Variants in LRP1B observed in about 807,000 individuals in gnomAD.
LRP1B encodes low-density lipoprotein receptor-related protein 1B.
Under a neutral mutation model 556.6 loss-of-function variants are expected in LRP1B, and 217 were observed. The ratio of observed to expected loss-of-function variants is 0.39; its 90% CI spans 0.35 to 0.44. LRP1B has a LOEUF of 0.44. Among genes scored for constraint, LRP1B ranks in the 20% least tolerant of loss-of-function variants. LRP1B has a pLI of 1.00. For synonymous variants in LRP1B, 2,047 were observed against 1,865.8 expected, an observed-to-expected ratio of 1.10 and a Z score of -2.50; for missense variants, 5,053 against 5,620.8, an observed-to-expected ratio of 0.90 and a Z score of 3.23.
At chr2:142,008,604 A>AT (rs1346537408) in intron 1 of LRP1B, among the ~76,000 whole-genome samples, 4 of 151,568 alleles carry the variant, frequency 2.6e-5, no homozygotes, top group Admixed American at 2.6e-4. Flanking sequence ...ACAAACTCCA[A>AT]TTATGAAAAG....
chr2:141,923,843 C>A (rs1416608486), intron 1 of LRP1B, among the ~76,000 whole-genome samples: 1 of 151,890 alleles, frequency 6.6e-6, no homozygotes. Context: ...GGCAGCATAA[C>A]CAACTTAGGA....
At chr2:141,721,775 A>C (rs1392421326) in intron 2 of LRP1B, among the ~76,000 whole-genome samples, 1 of 152,152 alleles carries the variant, frequency 6.6e-6, no homozygotes, top group Non-Finnish European at 1.5e-5. Flanking sequence ...TGGTGCAGAA[A>C]ATTGTGAAAA....
chr2:142,069,966 A>G (rs1315110370), intron 1 of LRP1B, among the ~76,000 whole-genome samples: 1 of 151,766 alleles, frequency 6.6e-6, no homozygotes, highest in Non-Finnish European at 1.5e-5. Context: ...AGTTTAGCCT[A>G]GTAGTCTGGA....
At chr2:141,920,717 T>C (rs1361528605) in intron 1 of LRP1B, among the ~76,000 whole-genome samples, 2 of 152,030 alleles carry the variant, frequency 1.3e-5, no homozygotes, top group African/African-American at 4.8e-5. Context: ...TCACAGATAC[T>C]CCATAGATAT....
chr2:140,998,407 T>A (rs1215682568), intron 15 of LRP1B, among the ~76,000 whole-genome samples: 3 of 152,068 alleles, frequency 2.0e-5, no homozygotes, highest in African/African-American at 7.2e-5. Context: ...ATTGTTCATG[T>A]CTTCATTTAT....
intron 43 of LRP1B, among the ~76,000 whole-genome samples, chr2:140,570,294 C>A (rs953627185): frequency 1.3e-5 from 2 of 150,104 alleles, no homozygotes; most frequent in Admixed American, 1.3e-4. Flanking sequence ...TCTAGGGTAA[C>A]CAGGAAAAAA....
chr2:141,712,378 TA>T (rs112476346), intron 2 of LRP1B, among the ~76,000 whole-genome samples: 3 of 150,070 alleles, frequency 2.0e-5, no homozygotes, highest in Non-Finnish European at 4.4e-5. Flanking sequence ...AGACCCTGTC[TA>T]AAAAAAAACA....
At chr2:141,822,991 AAGG>A (rs1696805267) in intron 1 of LRP1B, among the ~76,000 whole-genome samples, 1 of 152,216 alleles carries the variant, frequency 6.6e-6, no homozygotes, top group African/African-American at 2.4e-5. Context: ...GAGTTCAGAT[AAGG>A]AGAAGATGTG....
At position 140,335,660 on chromosome 2, in the gene LRP1B, T is replaced by A. The variant is rs1428587728; in HGVS notation, c.12071A>T (p.Asn4024Ile). Residue 4024 changes from asparagine to isoleucine, a missense_variant, in exon 78 of 91, where the codon AAT becomes ATT. Physicochemically the swap from Asn to Ile is moderately radical, Grantham distance 149 (BLOSUM62 -3). This residue lies in a region of LRP1B where 599 missense variants were observed against 648.4 expected (regional missense o/e 0.92). Coordinates refer to ENST00000389484, the MANE Select transcript of LRP1B (RefSeq NM_018557.3). ...NGPNCTRLLT[N>I]MAGEPYAIAV... is the part of the protein sequence containing the mutation. ...AATAGCATAGGGTTCTCCAGCCATA[T>A]TTGTTAAGAGTCTGGTGCAGTTGGG... 6.2e-7 allele frequency: 1 copy of A among 1,612,696 alleles called. No individual in the cohort carries two copies. The highest frequency in any genetic ancestry group is 8.5e-7 in the Non-Finnish European group (1 of 1,179,002).
At chr2:141,117,889 T>C (rs142896838) in intron 7 of LRP1B, among the ~76,000 whole-genome samples, 13 of 152,090 alleles carry the variant, frequency 8.5e-5, no homozygotes, top group Non-Finnish European at 1.8e-4. Context: ...AAGCATTTGG[T>C]TTGTCCTTAC....
chr2:140,288,247 G>A (rs1683238259), intron 84 of LRP1B, among the ~76,000 whole-genome samples: 1 of 150,994 alleles, frequency 6.6e-6, no homozygotes, highest in Non-Finnish European at 1.5e-5. Flanking sequence ...AATGTTTCTA[G>A]CAGTATAGCT....
chr2:140,449,791 AT>A, intron 63 of LRP1B, among the ~76,000 whole-genome samples: 1 of 152,172 alleles, frequency 6.6e-6, no homozygotes, highest in Non-Finnish European at 1.5e-5. Context: ...AAGCCTAAGG[AT>A]TTTGAACTCA....
chr2:140,789,479 A>T (rs1038559332), intron 32 of LRP1B, among the ~76,000 whole-genome samples: 1 of 152,212 alleles, frequency 6.6e-6, no homozygotes, highest in Non-Finnish European at 1.5e-5. Flanking sequence ...CTGGCTATGA[A>T]AGTGAAGTAC....
chr2:141,349,326 C>G (rs893757600), intron 3 of LRP1B, among the ~76,000 whole-genome samples: 1 of 152,042 alleles, frequency 6.6e-6, no homozygotes, highest in Admixed American at 6.6e-5. Flanking sequence ...TACTGTGTCA[C>G]TCTCTCAAAG....
chr2:140,707,658 A>AT (rs758519446), intron 37 of LRP1B, among the ~76,000 whole-genome samples: 35 of 152,106 alleles, frequency 2.3e-4, no homozygotes, highest in African/African-American at 7.0e-4. Flanking sequence ...ATGATTGGAC[A>AT]TTTTTTATCT....
chr2:141,730,223 G>C (rs912225854), intron 2 of LRP1B, among the ~76,000 whole-genome samples: 2 of 152,156 alleles, frequency 1.3e-5, no homozygotes, highest in Non-Finnish European at 2.9e-5. Flanking sequence ...AGACGGAGAA[G>C]AGGGAGTCTG....
At chr2:140,381,558 T>C (rs1052062146) in intron 67 of LRP1B, among the ~76,000 whole-genome samples, 1 of 152,038 alleles carries the variant, frequency 6.6e-6, no homozygotes, top group African/African-American at 2.4e-5. Context: ...ATTGGGATTC[T>C]TCAATAAGAA....
At chr2:141,848,992 C>A (rs1697751379) in intron 1 of LRP1B, among the ~76,000 whole-genome samples, 1 of 151,450 alleles carries the variant, frequency 6.6e-6, no homozygotes, top group Non-Finnish European at 1.5e-5. Context: ...GTCCAAGATC[C>A]TACAAAAGGA....
intron 41 of LRP1B, among the ~76,000 whole-genome samples, chr2:140,633,823 A>G (rs1355807920): frequency 6.6e-6 from 1 of 152,224 alleles, no homozygotes; most frequent in African/African-American, 2.4e-5. Context: ...TTTCTGAGAA[A>G]GAAAGCACCA....
Sources: allele counts gnomAD v4.1 joint callset (sites outside exome capture counted in the v4.1 genomes callset), GRCh38; gene constraint gnomAD v4.1.1; regional missense constraint gnomAD v4.1.1; transcripts MANE v1.5; gene names NCBI Gene and HGNC (gene_info 2026-07-23, HGNC 2026-07-21).